The following EMC8 variants were observed in gnomAD, a reference collection of about 807,000 sequenced individuals.
EMC8 encodes the protein COX4 neighbor.
EMC8 carries 11 observed loss-of-function variants against 24.3 expected under a neutral mutation model. The ratio of observed to expected loss-of-function variants is 0.45; its 90% CI spans 0.28 to 0.75. The LOEUF is 0.75. Ranked by LOEUF, EMC8 falls within the 30% of genes least tolerant of loss-of-function variation. EMC8 has a pLI of 0.12. For missense variants in EMC8, 277 were observed against 282.7 expected, an observed-to-expected ratio of 0.98 and a Z score of 0.14; for synonymous variants, 145 against 117.7, an observed-to-expected ratio of 1.23 and a Z score of -1.50.
intron 1 of EMC8, among the ~76,000 whole-genome samples, chr16:85,791,191 A>G (rs1181745659): frequency 1.3e-5 from 2 of 152,054 alleles, no homozygotes; most frequent in African/African-American, 2.4e-5. Flanking sequence ...AGAGATTATC[A>G]TATGATTGTT....
At chr16:85,783,724 T>C (rs1222188645) in intron 2 of EMC8, among the ~76,000 whole-genome samples, 1 of 152,262 alleles carries the variant, frequency 6.6e-6, no homozygotes, top group East Asian at 1.9e-4. Flanking sequence ...GCCCGTCTTG[T>C]TTCACTCACA....
At chr16:85,780,260 G>A in intron 4 of EMC8, 119 bp downstream of exon 4, 1 of 739,326 alleles carries the variant, frequency 1.4e-6, no homozygotes, top group Non-Finnish European at 2.3e-6. Flanking sequence ...CGGGGAATAT[G>A]CTTGGTATCA....
intron 2 of EMC8, among the ~76,000 whole-genome samples, chr16:85,786,032 T>C (rs73259031): frequency 0.03 from 4,616 of 152,224 alleles, 226 homozygotes; most frequent in African/African-American, 0.11. Context: ...TTATAAACAC[T>C]ACGTTAGAAC....
intron 2 of EMC8, among the ~76,000 whole-genome samples, chr16:85,786,782 T>C (rs1904774269): frequency 6.6e-6 from 1 of 151,954 alleles, no homozygotes; most frequent in Admixed American, 6.6e-5. Context: ...TGTGTCCGAG[T>C]AGGATAATTC....
intron 1 of EMC8, among the ~76,000 whole-genome samples, chr16:85,797,821 G>A (rs1006044271): frequency 4.6e-5 from 7 of 152,180 alleles, no homozygotes; most frequent in Admixed American, 3.3e-4. Context: ...TAGCATCACA[G>A]TTTATTCTTA....
chr16:85,799,024 C>A lies in EMC8; in HGVS notation c.231+41G>T, dbSNP rs992488147. On this transcript the variant is annotated intron_variant, in intron 1 of 4. Coordinates refer to ENST00000253457, the MANE Select transcript of EMC8 (RefSeq NM_006067.5). The surrounding 1 kb of genome is among the most constrained non-coding windows in gnomAD (Gnocchi z 4.2). ...TTCCTCTCTGCTGACTGAGGGGAGG[C>A]CAGGCTGCCTGCAAGGGGAAGGGGC... 14 of 1,377,224 alleles carry A rather than the reference C, an allele frequency of 1.0e-5. No individual in the cohort carries two copies. Among genetic ancestry groups the A allele is most frequent in the Non-Finnish European group, 1.4e-5 (14 of 1,003,746 alleles). The allele number at this position is 1,377,224 out of a possible 1,614,324, so 85.3% of individuals were successfully genotyped here.
Position 85,799,516 on chromosome 16 carries a change from G to A in EMC8, c.-221C>T, listed in dbSNP as rs1407443232. ...GAAGCCGCAGCCCCAGACTCCAGTC[G>A]CGCTTCTCGCCCGGCGCCGCCGGAA... On this transcript the variant is annotated 5_prime_UTR_variant, in exon 1 of 5. Coordinates refer to ENST00000253457, the MANE Select transcript of EMC8 (RefSeq NM_006067.5). The surrounding 1 kb of genome is among the most constrained non-coding windows in gnomAD (Gnocchi z 4.2). 2.6e-6 allele frequency: 1 copy of A among 384,200 alleles called. No individual in the cohort carries two copies. The highest frequency in any genetic ancestry group is 4.6e-6 in the Non-Finnish European group (1 of 217,762). The allele number at this position is 384,200 out of a possible 1,614,324, so 23.8% of individuals were successfully genotyped here. A position where few individuals can be genotyped will look rare whatever the true frequency, so the allele number is the denominator to read the frequency against.
At chr16:85,798,284 G>C (rs9673792) in intron 1 of EMC8, among the ~76,000 whole-genome samples, 4,430 of 151,992 alleles carry the variant, frequency 0.029, 215 homozygotes, top group African/African-American at 0.1. Context: ...ACCACGCCCG[G>C]CTAAGTTTTG....
chr16:85,788,440 A>T (rs1422719323), intron 2 of EMC8, among the ~76,000 whole-genome samples: 1 of 152,282 alleles, frequency 6.6e-6, no homozygotes, highest in East Asian at 1.9e-4. Flanking sequence ...TGTTGGGACC[A>T]AGATGACGCA....
chr16:85,779,971 G>A, intron 4 of EMC8, 104 bp from the exon 5 acceptor site: 1 of 900,178 alleles, frequency 1.1e-6, no homozygotes, highest in Non-Finnish European at 1.8e-6. Flanking sequence ...TATGAACAGA[G>A]ATGGTGCAGA....
intron 1 of EMC8, among the ~76,000 whole-genome samples, chr16:85,796,869 T>A (rs1905259499): frequency 6.6e-6 from 1 of 152,184 alleles, no homozygotes; most frequent in Non-Finnish European, 1.5e-5. Flanking sequence ...ACTTTTTTAC[T>A]AAGCTCCGCC....
In EMC8 at chr16:85,778,718, T is replaced by A. The variant is rs1189260015; in HGVS notation, c.*990A>T. The A allele has an allele frequency of 1.3e-5, 2 of 152,214 alleles. No homozygotes were observed. The highest frequency in any genetic ancestry group is 4.8e-5 in the African/African-American group (2 of 41,460). The allele number at this position is 152,214 out of a possible 1,614,324, so 9.4% of individuals were successfully genotyped here. The stretch of plus-strand genomic sequence containing the variant: ...ATAGTGACCGCTGTATCACAAACCC[T>A]TTCAGGTCACACCGATCGTTACAAA... On this transcript the variant is annotated 3_prime_UTR_variant, in exon 5 of 5. Coordinates refer to ENST00000253457, the MANE Select transcript of EMC8 (RefSeq NM_006067.5).
chr16:85,781,076 C>A (rs1190634134), intron 3 of EMC8, 135 bp downstream of exon 3: 2 of 647,578 alleles, frequency 3.1e-6, no homozygotes, highest in Admixed American at 2.5e-5. Context: ...TGAGAGAAAA[C>A]TGCAAGAGGC....
At position 85,779,471 on chromosome 16, in the gene EMC8, C is replaced by G. The variant is rs1243813976; in HGVS notation, c.*237G>C. On this transcript the variant is annotated 3_prime_UTR_variant, in exon 5 of 5. Transcript: ENST00000253457. ...AGAGCTTTGATTTGGAGGATTATAG[C>G]AACATACAACTGAGAGAGTCCACAG... The G allele has an allele frequency of 4.6e-6, 2 of 433,778 alleles. No individual in the cohort carries two copies. Among genetic ancestry groups the G allele is most frequent in the East Asian group, 8.0e-5 (2 of 25,150 alleles). 26.9% of individuals were successfully genotyped at this position (433,778 alleles called of 1,614,324 possible).
At chr16:85,796,316 C>A (rs973964574) in intron 1 of EMC8, among the ~76,000 whole-genome samples, 3 of 152,194 alleles carry the variant, frequency 2.0e-5, no homozygotes, top group Non-Finnish European at 4.4e-5. Flanking sequence ...ACTTCCTTTT[C>A]CCCTAGGTCC....
chr16:85,788,994 A>C lies in EMC8; in HGVS notation c.288T>G (p.Asn96Lys), dbSNP rs1287418743. ...SYVIAGYYQA[N>K]ERVKDASPNQ... ...CGTACCTGGCATCCTTTACTCGCTC[A>C]TTAGCTTGATAATAACCAGCAATCA... Residue 96 changes from asparagine (N) to lysine (K), a missense_variant, in exon 2 of 5, where the codon AAT becomes AAG. By Grantham distance (94) the Asn-to-Lys change is moderately conservative. Coordinates refer to ENST00000253457, the MANE Select transcript of EMC8 (RefSeq NM_006067.5). 1 of 1,613,616 alleles carries C rather than the reference A, an allele frequency of 6.2e-7. No individual in the cohort carries two copies. The highest frequency in any genetic ancestry group is 8.5e-7 in the Non-Finnish European group (1 of 1,179,588).
At chr16:85,794,803 ATG>A (rs1207337856) in intron 1 of EMC8, among the ~76,000 whole-genome samples, 2 of 110,064 alleles carry the variant, frequency 1.8e-5, no homozygotes, top group Non-Finnish European at 4.2e-5. Context: ...ATGGGGACTC[ATG>A]TGGTGGGGGG....
rs761022513 is a variant in EMC8 at position 85,799,218 on chromosome 16, G to C, written c.78C>G (p.Val26=). ...LHGAKYPHCA[V]NGLLVAEKQK... ...GCTTCTCGGCCACCAGGAGCCCGTT[G>C]ACGGCGCAGTGCGGGTACTTGGCGC... The change falls in exon 1 of 5, where the codon GTC becomes GTG. Residue 26 remains valine, a synonymous_variant. Coordinates refer to ENST00000253457, the MANE Select transcript of EMC8 (RefSeq NM_006067.5). The surrounding 1 kb of genome is among the most constrained non-coding windows in gnomAD (Gnocchi z 4.2). The C allele has an allele frequency of 1.2e-6, 2 of 1,613,484 alleles. No individual in the cohort carries two copies. Among genetic ancestry groups the C allele is most frequent in the Non-Finnish European group, 1.7e-6 (2 of 1,179,906 alleles).
At chr16:85,797,724 C>T (rs901471738) in intron 1 of EMC8, among the ~76,000 whole-genome samples, 1 of 152,156 alleles carries the variant, frequency 6.6e-6, no homozygotes, top group Admixed American at 6.5e-5. Context: ...CTTCGTTTTA[C>T]TTGGTGGAGG....
Sources: allele counts gnomAD v4.1 joint callset (sites outside exome capture counted in the v4.1 genomes callset), GRCh38; gene constraint gnomAD v4.1.1; non-coding constraint Gnocchi (gnomAD v3.1); transcripts MANE v1.5; gene names NCBI Gene and HGNC (gene_info 2026-07-23, HGNC 2026-07-21).